RBFOX1: variants seen among roughly 807,000 people sequenced by gnomAD.
RBFOX1 encodes RNA binding fox-1 homolog 1.
In RBFOX1, 8 loss-of-function variants were observed where a neutral mutation model predicts 57.7. That is an observed-to-expected ratio of 0.14 (90% CI 0.08 to 0.25). The LOEUF (loss-of-function observed/expected upper bound fraction) is 0.25. RBFOX1 is among the 10% of genes least tolerant of loss of function. The pLI is 1.00. For missense variants in RBFOX1, 611 were observed against 548.5 expected (o/e 1.11, Z -1.14); for synonymous variants, 326 against 222.4 (o/e 1.47, Z -4.15).
intron 3 of RBFOX1, among the ~76,000 whole-genome samples, chr16:5,709,620 G>C (rs1257137300): frequency 1.3e-5 from 2 of 150,728 alleles, no homozygotes; most frequent in African/African-American, 4.9e-5. Context: ...CATTAGCTAG[G>C]TGTGTCAGGC....
chr16:5,400,720 G>A (rs487464), intron 1 of RBFOX1, among the ~76,000 whole-genome samples: 12,098 of 151,632 alleles, frequency 0.08, 716 homozygotes, highest in African/African-American at 0.16. Flanking sequence ...GATTCCCAGT[G>A]TATTTTGTTA....
intron 4 of RBFOX1, among the ~76,000 whole-genome samples, chr16:7,508,551 AG>A (rs897002893): frequency 1.3e-5 from 2 of 152,142 alleles, no homozygotes; most frequent in African/African-American, 4.8e-5. Context: ...AGAAACTGAA[AG>A]GGCTGCTTGT....
intron 4 of RBFOX1, among the ~76,000 whole-genome samples, chr16:7,346,988 T>C (rs993740460): frequency 1.1e-4 from 16 of 152,026 alleles, no homozygotes; most frequent in African/African-American, 3.9e-4. Context: ...ACTCTTGGAC[T>C]CAAAAGAGAA....
At chr16:7,487,191 C>T (rs1032079595) in intron 4 of RBFOX1, among the ~76,000 whole-genome samples, 6 of 152,296 alleles carry the variant, frequency 3.9e-5, no homozygotes, top group Non-Finnish European at 5.9e-5. Context: ...TGAGCCACTG[C>T]GCCTTAACCA....
intron 3 of RBFOX1, among the ~76,000 whole-genome samples, chr16:6,678,352 G>A (rs1002124308): frequency 6.6e-6 from 1 of 152,048 alleles, no homozygotes; most frequent in Non-Finnish European, 1.5e-5. Flanking sequence ...TTGAACTCCT[G>A]ACCTCAAGTC....
At chr16:7,699,740 T>C (rs2080040244) in intron 14 of RBFOX1, among the ~76,000 whole-genome samples, 1 of 152,236 alleles carries the variant, frequency 6.6e-6, no homozygotes, top group Non-Finnish European at 1.5e-5. Flanking sequence ...TCACCTTTTT[T>C]TTTTACTTTT....
At chr16:5,422,159 G>C (rs773598986) in intron 1 of RBFOX1, among the ~76,000 whole-genome samples, 1 of 152,064 alleles carries the variant, frequency 6.6e-6, no homozygotes, top group African/African-American at 2.4e-5. Flanking sequence ...TGCTGAATAT[G>C]GCATTGTTTG....
At chr16:6,314,957 G>T (rs1341891676) in intron 1 of RBFOX1, among the ~76,000 whole-genome samples, 2 of 152,182 alleles carry the variant, frequency 1.3e-5, no homozygotes, top group Non-Finnish European at 2.9e-5. Context: ...CTTCCTTGAT[G>T]GAGCCTTCCC....
chr16:6,523,223 C>G (rs1006606086), intron 2 of RBFOX1, among the ~76,000 whole-genome samples: 1 of 151,644 alleles, frequency 6.6e-6, no homozygotes, highest in Non-Finnish European at 1.5e-5. Flanking sequence ...TGATAAAGAG[C>G]AAGTACTTGG....
At chr16:5,673,700 C>T (rs538346542) in intron 3 of RBFOX1, among the ~76,000 whole-genome samples, 1 of 152,310 alleles carries the variant, frequency 6.6e-6, no homozygotes, top group Admixed American at 6.5e-5. Context: ...TCTCTAGCTA[C>T]TTATTGTGGC....
intron 3 of RBFOX1, among the ~76,000 whole-genome samples, chr16:6,679,981 G>A (rs377661242): frequency 1.4e-5 from 2 of 147,968 alleles, no homozygotes; most frequent in African/African-American, 5.0e-5. Context: ...TGCCTGACAG[G>A]CAAGACAGGA....
chr16:7,251,683 G>C (rs965660313), intron 4 of RBFOX1, among the ~76,000 whole-genome samples: 3 of 152,108 alleles, frequency 2.0e-5, no homozygotes, highest in South Asian at 4.1e-4. Context: ...GCCTCGCAAA[G>C]TCGTGGGATT....
At chr16:6,987,626 C>T (rs1043370301) in intron 3 of RBFOX1, among the ~76,000 whole-genome samples, 7 of 152,104 alleles carry the variant, frequency 4.6e-5, no homozygotes, top group Non-Finnish European at 1.0e-4. Context: ...ATTTCCATTC[C>T]GTTGAAATAT....
At position 6,657,111 on chromosome 16, in the gene RBFOX1, C is replaced by CCCTCT. The variant is rs746674928; in HGVS notation, c.-16+2482_-16+2486dup. On this transcript the variant is annotated intron_variant, in intron 3 of 15. Transcript: ENST00000550418. ...TCCTCCCCTTTACTCTCCTCTCCTC[C>CCCTCT]CCTCTCCTCTCCTCTCCTCTCCTCT... 3.4e-3 allele frequency among the ~76,000 whole-genome samples: 385 copies of CCCTCT among 111,782 alleles called. 20 individuals carry two copies. Among genetic ancestry groups the CCCTCT allele is most frequent in the African/African-American group, 0.012 (279 of 23,570 alleles). 73.3% of individuals were successfully genotyped at this position (111,782 alleles called of 152,430 possible). A position where few individuals can be genotyped will look rare whatever the true frequency, so the allele number is the denominator to read the frequency against.
chr16:6,403,217 C>T (rs1452823242), intron 2 of RBFOX1, among the ~76,000 whole-genome samples: 1 of 152,140 alleles, frequency 6.6e-6, no homozygotes, highest in Non-Finnish European at 1.5e-5. Flanking sequence ...GCATTTTAAA[C>T]CAAGATACTC....
At chr16:7,433,510 A>G (rs1490350131) in intron 4 of RBFOX1, among the ~76,000 whole-genome samples, 2 of 152,216 alleles carry the variant, frequency 1.3e-5, no homozygotes, top group African/African-American at 4.8e-5. Flanking sequence ...AGTACAGACA[A>G]ATGCGCGGTG....
At chr16:7,053,967 A>C (rs187350576) in intron 4 of RBFOX1, among the ~76,000 whole-genome samples, 4 of 152,028 alleles carry the variant, frequency 2.6e-5, no homozygotes, top group Non-Finnish European at 5.9e-5. Flanking sequence ...AGAGAGTGCA[A>C]TGGAGTTTTC....
chr16:6,543,117 A>T (rs1246047316), intron 2 of RBFOX1, among the ~76,000 whole-genome samples: 1 of 152,184 alleles, frequency 6.6e-6, no homozygotes, highest in Non-Finnish European at 1.5e-5. Context: ...TGTTTAGCAG[A>T]TAAGGAGAGT....
At chr16:6,233,350 C>G (rs563736377) in intron 1 of RBFOX1, among the ~76,000 whole-genome samples, 7 of 152,068 alleles carry the variant, frequency 4.6e-5, no homozygotes, top group Non-Finnish European at 1.0e-4. Context: ...TAGCACCATC[C>G]TGATCCAAAC....
Sources: allele counts gnomAD v4.1 joint callset (sites outside exome capture counted in the v4.1 genomes callset), GRCh38; gene constraint gnomAD v4.1.1; transcripts MANE v1.5; gene names NCBI Gene and HGNC (gene_info 2026-07-23, HGNC 2026-07-21).